Variants in CNTN4 observed in about 807,000 individuals in gnomAD.
CNTN4 encodes the protein contactin 4, also known as contactin-4.
CNTN4 carries 77 observed loss-of-function variants against 122.5 expected under a neutral mutation model. The observed-to-expected ratio is 0.63, with a 90% CI of 0.52 to 0.76. The LOEUF (loss-of-function observed/expected upper bound fraction) is 0.76, where lower values mean the gene tolerates loss of function less well. CNTN4 is among the 30% of genes least tolerant of loss of function. The pLI, the probability that CNTN4 is intolerant of heterozygous loss-of-function variation, is 0.00. For missense variants in CNTN4, 1,256 were observed against 1,259.1 expected, an observed-to-expected ratio of 1.00 and a Z score of 0.04; for synonymous variants, 512 against 447.0, an observed-to-expected ratio of 1.15 and a Z score of -1.83.
In CNTN4 at chr3:2,711,973, TA is replaced by T. The variant is rs1228208807; in HGVS notation, c.56-24236del. ...CTTCCTTCATTATATTAAGACTTTTTAAAAAATGTTATTTATGGGATAGTTT... is the reference window on the plus strand; with the variant it reads ...CTTCCTTCATTATATTAAGACTTTTTAAAAATGTTATTTATGGGATAGTTT... On this transcript the variant is annotated intron_variant, in intron 4 of 24. Transcript: ENST00000418658. Among the ~76,000 whole-genome samples, 5 of 152,192 alleles carry T rather than the reference TA, an allele frequency of 3.3e-5. No homozygotes were observed. The East Asian group carries it at 9.6e-4, about 29-fold the overall frequency.
chr3:2,536,828 T>C (rs571972095), intron 3 of CNTN4, among the ~76,000 whole-genome samples: 1 of 152,136 alleles, frequency 6.6e-6, no homozygotes, highest in Non-Finnish European at 1.5e-5. Context: ...TGATATTGAG[T>C]AGATGTTGTA....
At chr3:2,825,240 A>C (rs2150319236) in intron 7 of CNTN4, among the ~76,000 whole-genome samples, 1 of 151,744 alleles carries the variant, frequency 6.6e-6, no homozygotes. Flanking sequence ...ATTTTATTTT[A>C]TTTGGGACAG....
intron 2 of CNTN4, among the ~76,000 whole-genome samples, chr3:2,317,646 C>T (rs1200434236): frequency 6.6e-6 from 1 of 152,278 alleles, no homozygotes; most frequent in Non-Finnish European, 1.5e-5. Flanking sequence ...AGTTTGAAGT[C>T]TTTCTTCTAG....
intron 2 of CNTN4, among the ~76,000 whole-genome samples, chr3:2,131,591 A>G (rs1295602903): frequency 6.6e-6 from 1 of 152,210 alleles, no homozygotes; most frequent in Non-Finnish European, 1.5e-5. Flanking sequence ...GTGTTCCTAA[A>G]GGAAAATTGA....
chr3:2,543,621 A>G (rs1208426876), intron 3 of CNTN4, among the ~76,000 whole-genome samples: 1 of 152,006 alleles, frequency 6.6e-6, no homozygotes, highest in Non-Finnish European at 1.5e-5. Flanking sequence ...AAAACAAGAC[A>G]ATTTCATTGC....
chr3:2,615,208 T>G (rs969567624), intron 4 of CNTN4, among the ~76,000 whole-genome samples: 1 of 152,182 alleles, frequency 6.6e-6, no homozygotes, highest in Non-Finnish European at 1.5e-5. Flanking sequence ...TCATATTAAT[T>G]AGGCTCTGAA....
In CNTN4 at chr3:2,547,843, C is replaced by G. The variant is rs532613153; in HGVS notation, c.-88-23573C>G. On this transcript the variant is annotated intron_variant, in intron 3 of 24. Transcript: ENST00000418658. The stretch of plus-strand genomic sequence containing the variant: ...CCCTCATGTTTCTCATGATACTGTC[C>G]AAAATCCACAGATCCCCAGGAAATT... 6.6e-5 allele frequency among the ~76,000 whole-genome samples: 10 copies of G among 152,174 alleles called. No homozygotes were observed. The South Asian group carries it at 1.9e-3, about 28-fold the overall frequency.
At chr3:2,967,163 T>C (rs755303147) in intron 13 of CNTN4, among the ~76,000 whole-genome samples, 32 of 152,228 alleles carry the variant, frequency 2.1e-4, no homozygotes, top group Non-Finnish European at 4.4e-4. Context: ...AGTCAGGAGT[T>C]CTGATTGGTT....
rs571313617 is a variant in CNTN4, at chr3:2,585,390, G to A, written c.55+13832G>A. Among the ~76,000 whole-genome samples, 208 of 151,606 alleles carry A rather than the reference G, an allele frequency of 1.4e-3. 1 individual carries two copies. Among genetic ancestry groups the A allele is most frequent in the African/African-American group, 4.8e-3 (198 of 41,356 alleles). ...TGCTGCTATAAAGACACATGCACAC[G>A]TATGTTTATTGCGGCACTATTCACA... On this transcript the variant is annotated intron_variant, in intron 4 of 24. Transcript: ENST00000418658.
chr3:2,467,817 C>T (rs1256205995), intron 3 of CNTN4, among the ~76,000 whole-genome samples: 2 of 152,172 alleles, frequency 1.3e-5, no homozygotes, highest in Non-Finnish European at 2.9e-5. Flanking sequence ...CCTGGTCCCT[C>T]CTGAGTGCAG....
chr3:2,622,773 GTAA>G (rs1452585941), intron 4 of CNTN4, among the ~76,000 whole-genome samples: 1 of 152,156 alleles, frequency 6.6e-6, no homozygotes, highest in African/African-American at 2.4e-5. Flanking sequence ...TACAGATGAA[GTAA>G]TGGAAACTCA....
At chr3:2,755,603 A>G (rs1298681171) in intron 6 of CNTN4, among the ~76,000 whole-genome samples, 2 of 152,224 alleles carry the variant, frequency 1.3e-5, no homozygotes, top group Admixed American at 6.5e-5. Context: ...AGGAGCTATT[A>G]AAGTACAGAT....
At chr3:2,511,079 C>T (rs1188607117) in intron 3 of CNTN4, among the ~76,000 whole-genome samples, 2 of 152,014 alleles carry the variant, frequency 1.3e-5, no homozygotes, top group African/African-American at 2.4e-5. Flanking sequence ...GCATAAAATC[C>T]GTAGAAGAGA....
chr3:2,599,812 G>T (rs367864202), intron 4 of CNTN4, among the ~76,000 whole-genome samples: 1 of 152,086 alleles, frequency 6.6e-6, no homozygotes, highest in Non-Finnish European at 1.5e-5. Context: ...GTTCCTGAGG[G>T]AATTAGATGG....
At chr3:2,733,172 C>G (rs1056947387) in intron 4 of CNTN4, among the ~76,000 whole-genome samples, 5 of 152,082 alleles carry the variant, frequency 3.3e-5, no homozygotes, top group Non-Finnish European at 5.9e-5. Flanking sequence ...GTAATAGACT[C>G]TATATTTCTG....
chr3:2,436,367 T>C (rs1336523567), intron 3 of CNTN4, among the ~76,000 whole-genome samples: 1 of 152,108 alleles, frequency 6.6e-6, no homozygotes, highest in African/African-American at 2.4e-5. Context: ...GGAAAGGCAG[T>C]GAGTGCTATA....
chr3:2,433,658 C>T (rs1056834463), intron 3 of CNTN4, among the ~76,000 whole-genome samples: 13 of 152,102 alleles, frequency 8.5e-5, no homozygotes, highest in Non-Finnish European at 1.8e-4. Flanking sequence ...GGTTTTGTTG[C>T]CTGCGCTTTT....
At chr3:2,681,158 A>C (rs2085143137) in intron 4 of CNTN4, among the ~76,000 whole-genome samples, 1 of 152,218 alleles carries the variant, frequency 6.6e-6, no homozygotes, top group Non-Finnish European at 1.5e-5. Flanking sequence ...AGGATTTTAA[A>C]ACCTGGCTGA....
chr3:2,353,390 T>G (rs1385407615), intron 3 of CNTN4, among the ~76,000 whole-genome samples: 1 of 152,186 alleles, frequency 6.6e-6, no homozygotes, highest in East Asian at 1.9e-4. Flanking sequence ...GCCCGATCCC[T>G]GCAGTGGCAA....
Sources: allele counts gnomAD v4.1 joint callset (sites outside exome capture counted in the v4.1 genomes callset), GRCh38; gene constraint gnomAD v4.1.1; transcripts MANE v1.5; gene names NCBI Gene and HGNC (gene_info 2026-07-23, HGNC 2026-07-21).